AFM: variants seen among roughly 807,000 people sequenced by gnomAD.
AFM encodes the protein afamin.
In AFM, 82 loss-of-function variants were observed where a neutral mutation model predicts 68.7. The observed-to-expected ratio is 1.19, with a 90% CI of 1.00 to 1.43. The LOEUF (loss-of-function observed/expected upper bound fraction) is 1.43, where lower values mean the gene tolerates loss of function less well. Among genes scored for constraint, AFM ranks in the 40% most tolerant of loss-of-function variants. The pLI is 0.00. For missense variants in AFM, 772 were observed against 701.8 expected, an observed-to-expected ratio of 1.10 and a Z score of -1.13; for synonymous variants, 250 against 234.2, an observed-to-expected ratio of 1.07 and a Z score of -0.61.
chr4:73,487,615 TTC>T, intron 5 of AFM, 107 bp from the exon 6 acceptor site: 1 of 725,942 alleles, frequency 1.4e-6, no homozygotes, highest in Non-Finnish European at 2.3e-6. Context: ...CCTGTAGATT[TTC>T]TGTCTCTGAA....
intron 3 of AFM, among the ~76,000 whole-genome samples, chr4:73,484,787 T>C (rs1720845598): frequency 6.6e-6 from 1 of 152,128 alleles, no homozygotes; most frequent in Admixed American, 6.6e-5. Context: ...TCCTCCCAAC[T>C]TGGCCTCCCA....
intron 8 of AFM, among the ~76,000 whole-genome samples, chr4:73,492,467 A>G (rs1030470971): frequency 6.6e-6 from 1 of 152,172 alleles, no homozygotes; most frequent in East Asian, 1.9e-4. Context: ...GTGACAGAGT[A>G]AGAATTTGAC....
intron 4 of AFM, among the ~76,000 whole-genome samples, chr4:73,486,362 A>G (rs921571364): frequency 7.2e-5 from 11 of 152,202 alleles, no homozygotes; most frequent in Admixed American, 2.6e-4. Flanking sequence ...TGCACAGTAG[A>G]GGAAATAATA....
intron 13 of AFM, 72 bp from the exon 14 acceptor site, chr4:73,502,978 T>G (rs982486137): frequency 1.5e-5 from 20 of 1,352,570 alleles, no homozygotes; most frequent in Non-Finnish European, 2.0e-5. Flanking sequence ...CAGGAAAACA[T>G]GCTTATCTAA....
chr4:73,482,375 C>A (rs1334343866), intron 1 of AFM, among the ~76,000 whole-genome samples: 1 of 152,214 alleles, frequency 6.6e-6, no homozygotes, highest in Non-Finnish European at 1.5e-5. Context: ...TTTCTTCCAT[C>A]CAAAGGGGAA....
intron 8 of AFM, among the ~76,000 whole-genome samples, chr4:73,492,364 G>A (rs1721096179): frequency 6.6e-6 from 1 of 152,084 alleles, no homozygotes; most frequent in African/African-American, 2.4e-5. Flanking sequence ...AATTCTTACA[G>A]CAATCATACA....
intron 1 of AFM, among the ~76,000 whole-genome samples, chr4:73,483,232 C>T (rs1720764150): frequency 6.6e-6 from 1 of 152,048 alleles, no homozygotes; most frequent in Non-Finnish European, 1.5e-5. Flanking sequence ...CTTTCTCACC[C>T]AGGATTCATA....
intron 14 of AFM, among the ~76,000 whole-genome samples, chr4:73,503,592 G>A (rs995088349): frequency 6.6e-6 from 1 of 152,108 alleles, no homozygotes; most frequent in Non-Finnish European, 1.5e-5. Context: ...TGAACAAAAA[G>A]CGATATGTTT....
Position 73,487,820 on chromosome 4 carries a change from A to G in AFM, c.712A>G (p.Ile238Val), listed in dbSNP as rs749220922. 2 of 1,585,500 alleles carry G rather than the reference A, an allele frequency of 1.3e-6. No homozygotes were observed. Among genetic ancestry groups the G allele is most frequent in the Admixed American group, 3.3e-5 (2 of 59,792 alleles). Residue 238 changes from isoleucine (I) to valine (V), a missense_variant and splice_region_variant, in exon 6 of 15, where the codon ATA becomes GTA. Transcript: ENST00000226355. ...LKFGTKVVHF[I>V]YIAILSQKFP... ...ATTTGGAACCAAAGTTGTACACTTTATGTGAGTTTTATACTATATGTCTTG... is the reference window on the plus strand; with the variant it reads ...ATTTGGAACCAAAGTTGTACACTTTGTGTGAGTTTTATACTATATGTCTTG...
At chr4:73,497,484 A>T (rs1054569180) in intron 9 of AFM, among the ~76,000 whole-genome samples, 168 bp from the exon 10 acceptor site, 4 of 152,222 alleles carry the variant, frequency 2.6e-5, no homozygotes. Flanking sequence ...ATACATAATT[A>T]AAAAATTAAG....
chr4:73,484,394 A>G lies in AFM; in HGVS notation c.270+4A>G. The stretch of plus-strand genomic sequence containing the variant: ...CCCAGAGTGTTCAAAATTACCTGTA[A>G]GTAAATTGCTTGTGTTTCTTTTCCT... On this transcript the variant is annotated splice_donor_region_variant and intron_variant, in intron 3 of 14. Coordinates refer to ENST00000226355, the MANE Select transcript of AFM (RefSeq NM_001133.2). 6.5e-7 allele frequency: 1 copy of G among 1,532,936 alleles called. No individual in the cohort carries two copies. The allele number at this position is 1,532,936 out of a possible 1,614,324, so 95.0% of individuals were successfully genotyped here. A position where few individuals can be genotyped will look rare whatever the true frequency, so the allele number is the denominator to read the frequency against.
chr4:73,489,456 C>T (rs1721006777), intron 7 of AFM, among the ~76,000 whole-genome samples: 1 of 152,062 alleles, frequency 6.6e-6, no homozygotes, highest in Admixed American at 6.6e-5. Flanking sequence ...ATGTCTAAAT[C>T]AAACTATTTA....
chr4:73,486,875 CCCT>C, intron 4 of AFM, 89 bp from the exon 5 acceptor site: 1 of 1,086,746 alleles, frequency 9.2e-7, no homozygotes, highest in African/African-American at 1.9e-5. Flanking sequence ...ATCTTACCCT[CCCT>C]TCCCTTCCCT....
chr4:73,501,113 T>C (rs1458183301), intron 12 of AFM, among the ~76,000 whole-genome samples: 1 of 152,168 alleles, frequency 6.6e-6, no homozygotes, highest in Non-Finnish European at 1.5e-5. Context: ...GGTTGCCCCC[T>C]GAAGTTTGGA....
At chr4:73,484,118 C>T (rs2149342320) in intron 2 of AFM, 129 bp downstream of exon 2, 2 of 1,381,674 alleles carry the variant, frequency 1.4e-6, no homozygotes, top group Non-Finnish European at 1.9e-6. Context: ...TTATAAAATT[C>T]AGGCAAAGAA....
rs544854035 is a variant in AFM, at chr4:73,492,973, T to A, written c.1058+887T>A. Among the ~76,000 whole-genome samples the A allele has an allele frequency of 1.2e-4, 19 of 152,166 alleles. No homozygotes were observed. The South Asian group carries it at 3.7e-3, about 30-fold the overall frequency. On this transcript the variant is annotated intron_variant, in intron 8 of 14. Transcript: ENST00000226355. ...CATAAATAAATAAGTGCAAAAAATG[T>A]TCTTTTATTTCTAATAGCATCCTGT... is the stretch of plus-strand genomic sequence containing the variant.
At chr4:73,482,974 A>C (rs997894908) in intron 1 of AFM, among the ~76,000 whole-genome samples, 1 of 152,140 alleles carries the variant, frequency 6.6e-6, no homozygotes, top group Non-Finnish European at 1.5e-5. Flanking sequence ...CTTTATATAC[A>C]AGACTCCTAT....
At chr4:73,485,839 T>C (rs948261820) in intron 3 of AFM, 23 bp from the exon 4 acceptor site, 7 of 1,592,840 alleles carry the variant, frequency 4.4e-6, no homozygotes, top group Non-Finnish European at 6.0e-6. Context: ...CTAAAAATTG[T>C]CCTTTTCTTC....
chr4:73,491,736 C>T (rs1487840668), intron 7 of AFM, 136 bp from the exon 8 acceptor site: 1 of 781,760 alleles, frequency 1.3e-6, no homozygotes, highest in Non-Finnish European at 2.1e-6. Flanking sequence ...TTAATTCAAA[C>T]AAATATTATC....
Sources: allele counts gnomAD v4.1 joint callset (sites outside exome capture counted in the v4.1 genomes callset), GRCh38; gene constraint gnomAD v4.1.1; transcripts MANE v1.5; gene names NCBI Gene and HGNC (gene_info 2026-07-23, HGNC 2026-07-21).